The following MEP1A variants were observed in gnomAD, a reference collection of about 807,000 sequenced individuals.
MEP1A encodes meprin A subunit alpha.
A neutral mutation model predicts 84.5 loss-of-function variants in MEP1A; 68 were observed. The observed-to-expected ratio is 0.80, with a 90% CI of 0.66 to 0.98. The LOEUF (loss-of-function observed/expected upper bound fraction) is 0.98. Ranked by LOEUF, MEP1A falls within the 50% of genes least tolerant of loss-of-function variation. The pLI is 0.00. For missense variants in MEP1A, 887 were observed against 919.9 expected, an observed-to-expected ratio of 0.96 and a Z score of 0.46; for synonymous variants, 337 against 336.8, an observed-to-expected ratio of 1.00 and a Z score of -0.01.
chr6:46,797,916 TTCCTTCCTTCC>T (rs1767098823), intron 3 of MEP1A, among the ~76,000 whole-genome samples: 1 of 45,070 alleles, frequency 2.2e-5, no homozygotes, highest in African/African-American at 8.3e-5. Flanking sequence ...CCTTCCTTCC[TTCCTTCCTTCC>T]TTCTTTCCTT....
chr6:46,836,072 A>G (rs966781437), intron 13 of MEP1A, among the ~76,000 whole-genome samples: 1 of 152,224 alleles, frequency 6.6e-6, no homozygotes, highest in Non-Finnish European at 1.5e-5. Flanking sequence ...TCTTACACGC[A>G]TGATCTAAAT....
chr6:46,795,262 T>C lies in MEP1A; in HGVS notation c.145+1546T>C, dbSNP rs569993917. On this transcript the variant is annotated intron_variant, in intron 3 of 13. Transcript: ENST00000230588. ...ACCTGACACACAATCTGTCAGCAAA[T>C]GTTATTCGATCTACTCGATCTACTT... Among the ~76,000 whole-genome samples, 11 of 152,268 alleles carry C rather than the reference T, an allele frequency of 7.2e-5. No individual in the cohort carries two copies. In the South Asian group the frequency reaches 2.1e-3, roughly 29 times the overall value.
At chr6:46,812,663 G>A (rs1767533727) in intron 6 of MEP1A, among the ~76,000 whole-genome samples, 1 of 151,926 alleles carries the variant, frequency 6.6e-6, no homozygotes, top group African/African-American at 2.4e-5. Flanking sequence ...GATAGGTTGT[G>A]TCACTATTAT....
At chr6:46,812,343 T>G (rs1340818952) in intron 6 of MEP1A, among the ~76,000 whole-genome samples, 1 of 152,098 alleles carries the variant, frequency 6.6e-6, no homozygotes, top group Non-Finnish European at 1.5e-5. Flanking sequence ...CTAATTGAGC[T>G]TATTGGGATC....
At chr6:46,828,275 T>A (rs949927820) in intron 9 of MEP1A, among the ~76,000 whole-genome samples, 32 of 151,482 alleles carry the variant, frequency 2.1e-4, no homozygotes, top group Non-Finnish European at 4.0e-4. Flanking sequence ...CAATATATAA[T>A]TATAATTCAG....
chr6:46,809,379 G>A (rs1202695386), intron 5 of MEP1A, 41 bp from the exon 6 acceptor site: 2 of 1,255,834 alleles, frequency 1.6e-6, no homozygotes, highest in African/African-American at 1.5e-5. Flanking sequence ...ATTATCTAAG[G>A]TCCAAATAAT....
At chr6:46,831,592 A>G (rs1581687385) in intron 10 of MEP1A, among the ~76,000 whole-genome samples, 1 of 152,202 alleles carries the variant, frequency 6.6e-6, no homozygotes, top group East Asian at 1.9e-4. Context: ...CCTATGTGGT[A>G]TAGCCTCTTG....
At chr6:46,805,867 C>A (rs1767300701) in intron 5 of MEP1A, among the ~76,000 whole-genome samples, 2 of 151,916 alleles carry the variant, frequency 1.3e-5, no homozygotes, top group Admixed American at 6.6e-5. Context: ...TTCTGTGTTT[C>A]TCCTGTCCAT....
chr6:46,797,542 G>C (rs1767071267), intron 3 of MEP1A, among the ~76,000 whole-genome samples: 1 of 152,160 alleles, frequency 6.6e-6, no homozygotes, highest in African/African-American at 2.4e-5. Context: ...CTCATGATGT[G>C]GGCAGCACCT....
At chr6:46,807,403 G>GCCTTGGCCA (rs1385409520) in intron 5 of MEP1A, among the ~76,000 whole-genome samples, 2 of 151,198 alleles carry the variant, frequency 1.3e-5, no homozygotes, top group Admixed American at 1.3e-4. Context: ...GACAACTCAA[G>GCCTTGGCCA]CCTTGGCCAC....
intron 9 of MEP1A, among the ~76,000 whole-genome samples, chr6:46,827,117 C>G (rs967659248): frequency 4.6e-5 from 7 of 152,170 alleles, no homozygotes; most frequent in African/African-American, 1.7e-4. Flanking sequence ...GGTTTGGTAG[C>G]CACTGTATTG....
At position 46,801,644 on chromosome 6, in the gene MEP1A, T is replaced by C. The variant is rs542702571; in HGVS notation, c.262+2463T>C. Among the ~76,000 whole-genome samples, 5 of 152,244 alleles carry C rather than the reference T, an allele frequency of 3.3e-5. No individual in the cohort carries two copies. In the South Asian group the frequency reaches 1.0e-3, roughly 32 times the overall value. ...CTGATAAAGTGTGATTTATCAATTT[T>C]TTAACTTATGGTTTGTGTTTTTATA... On this transcript the variant is annotated intron_variant, in intron 5 of 13. Coordinates refer to ENST00000230588, the MANE Select transcript of MEP1A (RefSeq NM_005588.3).
intron 3 of MEP1A, among the ~76,000 whole-genome samples, chr6:46,798,250 G>C (rs1767111274): frequency 6.6e-6 from 1 of 152,144 alleles, no homozygotes; most frequent in South Asian, 2.1e-4. Context: ...TTACAGGCAT[G>C]AGCCACAACG....
chr6:46,797,863 T>A (rs1767092029), intron 3 of MEP1A, among the ~76,000 whole-genome samples: 1 of 149,612 alleles, frequency 6.7e-6, no homozygotes, highest in Non-Finnish European at 1.5e-5. Flanking sequence ...TCTTTCTTAC[T>A]TTCTACCTTT....
chr6:46,811,614 T>C (rs536410527), intron 6 of MEP1A, among the ~76,000 whole-genome samples: 78 of 152,236 alleles, frequency 5.1e-4, no homozygotes, highest in Admixed American at 8.5e-4. Flanking sequence ...GGATTTGTTG[T>C]AGATGGCTTT....
At position 46,835,430 on chromosome 6, in the gene MEP1A, G is replaced by A. The variant is rs1242107008; in HGVS notation, c.1965G>A (p.Val655=). 6.2e-7 allele frequency: 1 copy of A among 1,612,106 alleles called. No individual in the cohort carries two copies. Among genetic ancestry groups the A allele is most frequent in the Non-Finnish European group, 8.5e-7 (1 of 1,179,124 alleles). The part of the protein sequence containing the change: ...QGQPSRQKRS[V]ENTGPLEDHN... ...AGCCCAGCCGACAGAAGCGGTCGGT[G>A]GAGAACACAGGCCCCCTGGAGGACC... Residue 655 remains valine (V), a synonymous_variant, in exon 13 of 14, where the codon GTG becomes GTA. Transcript: ENST00000230588.
chr6:46,797,947 C>A (rs1430275328), intron 3 of MEP1A, among the ~76,000 whole-genome samples: 1 of 68,556 alleles, frequency 1.5e-5, no homozygotes, highest in Non-Finnish European at 3.1e-5. Flanking sequence ...TCCTTCCTTC[C>A]TTCCTTCCTT....
intron 3 of MEP1A, among the ~76,000 whole-genome samples, 185 bp from the exon 4 acceptor site, chr6:46,798,421 A>G (rs1367778056): frequency 6.6e-6 from 1 of 152,226 alleles, no homozygotes; most frequent in Non-Finnish European, 1.5e-5. Context: ...GGCTATGACA[A>G]TATGTGATAC....
intron 5 of MEP1A, among the ~76,000 whole-genome samples, chr6:46,801,564 C>A (rs1366978937): frequency 1.3e-5 from 2 of 151,820 alleles, no homozygotes. Flanking sequence ...CTGTTACTTA[C>A]CTATTTGTTT....
Sources: gnomAD v4.1 joint callset for allele counts (sites outside exome capture counted in the v4.1 genomes callset) on GRCh38, gnomAD v4.1.1 for gene constraint, MANE v1.5 for transcripts, NCBI Gene and HGNC (gene_info 2026-07-23, HGNC 2026-07-21) for gene names.